ACOXL: variants seen among roughly 807,000 people sequenced by gnomAD.
ACOXL encodes the protein acyl-CoA oxidase like, also known as acyl-coenzyme A oxidase-like protein.
Under a neutral mutation model 71.9 loss-of-function variants are expected in ACOXL, and 70 were observed. The ratio of observed to expected loss-of-function variants is 0.97; its 90% CI spans 0.80 to 1.19. ACOXL has a LOEUF of 1.19. Among genes scored for constraint, ACOXL ranks in the 50% most tolerant of loss-of-function variants. The pLI is 0.00. For synonymous variants in ACOXL, 253 were observed against 281.6 expected, an observed-to-expected ratio of 0.90 and a Z score of 1.02; for missense variants, 703 against 736.3, an observed-to-expected ratio of 0.95 and a Z score of 0.52.
chr2:111,043,158 A>G (rs2065863145), intron 15 of ACOXL, among the ~76,000 whole-genome samples: 1 of 152,288 alleles, frequency 6.6e-6, no homozygotes. Context: ...TCTGGAACAG[A>G]GGTGCTTTCT....
At chr2:110,915,733 A>T (rs2059836049) in intron 11 of ACOXL, among the ~76,000 whole-genome samples, 1 of 151,754 alleles carries the variant, frequency 6.6e-6, no homozygotes. Flanking sequence ...TGGCCATATT[A>T]TATATTTTTT....
At chr2:110,746,804 T>TC (rs1342761017) in intron 1 of ACOXL, among the ~76,000 whole-genome samples, 1 of 149,386 alleles carries the variant, frequency 6.7e-6, no homozygotes, top group Non-Finnish European at 1.5e-5. Flanking sequence ...CCTCCCCCTT[T>TC]CCCCCTCTTC....
At chr2:111,092,379 A>G (rs1005051608) in intron 16 of ACOXL, among the ~76,000 whole-genome samples, 3 of 152,230 alleles carry the variant, frequency 2.0e-5, no homozygotes, top group African/African-American at 4.8e-5. Flanking sequence ...CATAATAGGA[A>G]AAAACATACT....
intron 10 of ACOXL, among the ~76,000 whole-genome samples, chr2:110,901,325 T>C (rs764162560): frequency 3.9e-5 from 6 of 152,198 alleles, no homozygotes; most frequent in Admixed American, 1.3e-4. Flanking sequence ...CTCTCACTGC[T>C]CTGTATGTAG....
chr2:111,039,191 T>C (rs1025329014), intron 15 of ACOXL, among the ~76,000 whole-genome samples: 13 of 152,388 alleles, frequency 8.5e-5, no homozygotes, highest in African/African-American at 3.1e-4. Context: ...TGTTTATCTT[T>C]TGTGAAATCT....
chr2:110,737,899 C>T (rs1293074307), intron 1 of ACOXL, among the ~76,000 whole-genome samples: 2 of 152,230 alleles, frequency 1.3e-5, no homozygotes, highest in Admixed American at 6.5e-5. Flanking sequence ...TTAGAGAGGA[C>T]CACAGATTCA....
intron 1 of ACOXL, among the ~76,000 whole-genome samples, chr2:110,737,882 T>G (rs893918089): frequency 6.6e-6 from 1 of 152,238 alleles, no homozygotes; most frequent in African/African-American, 2.4e-5. Context: ...TTACCCTTTG[T>G]AGAAGCTTAG....
intron 10 of ACOXL, among the ~76,000 whole-genome samples, chr2:110,886,192 G>T (rs1697265751): frequency 6.6e-6 from 1 of 152,146 alleles, no homozygotes; most frequent in Admixed American, 6.5e-5. Flanking sequence ...GTTAGCAGGG[G>T]TGGAGAAGTA....
At chr2:111,071,472 T>C (rs1250526992) in intron 16 of ACOXL, among the ~76,000 whole-genome samples, 1 of 152,206 alleles carries the variant, frequency 6.6e-6, no homozygotes, top group Non-Finnish European at 1.5e-5. Flanking sequence ...TGCATTTTGC[T>C]AATGCTAACA....
At chr2:110,859,428 G>A (rs1485049401) in intron 10 of ACOXL, among the ~76,000 whole-genome samples, 1 of 152,152 alleles carries the variant, frequency 6.6e-6, no homozygotes, top group Non-Finnish European at 1.5e-5. Context: ...GATAGTTCAG[G>A]CCATTAACAA....
intron 16 of ACOXL, among the ~76,000 whole-genome samples, chr2:111,053,739 A>G (rs2066405601): frequency 6.6e-6 from 1 of 152,170 alleles, no homozygotes; most frequent in Admixed American, 6.5e-5. Flanking sequence ...GGAGTTTCTT[A>G]CATATCTGGC....
At chr2:110,952,302 G>A (rs1187680178) in intron 12 of ACOXL, among the ~76,000 whole-genome samples, 1 of 152,070 alleles carries the variant, frequency 6.6e-6, no homozygotes, top group African/African-American at 2.4e-5. Flanking sequence ...AGCCCCTGTT[G>A]TATGGGTATT....
chr2:111,031,489 C>A, intron 14 of ACOXL, 138 bp from the exon 15 acceptor site: 1 of 692,608 alleles, frequency 1.4e-6, no homozygotes, highest in Non-Finnish European at 2.5e-6. Flanking sequence ...GTCACAGAGG[C>A]CAGCCTACAG....
At chr2:111,054,797 T>G (rs1239212752) in intron 16 of ACOXL, among the ~76,000 whole-genome samples, 1 of 152,176 alleles carries the variant, frequency 6.6e-6, no homozygotes, top group East Asian at 1.9e-4. Flanking sequence ...CCTTCAGTCC[T>G]CCATGCTTAC....
chr2:110,841,334 T>A, intron 9 of ACOXL, 37 bp from the exon 10 acceptor site: 1 of 1,527,072 alleles, frequency 6.5e-7, no homozygotes. Flanking sequence ...ATACTCTTGA[T>A]ATTACTTAAT....
At chr2:111,072,255 C>G (rs2067376312) in intron 16 of ACOXL, among the ~76,000 whole-genome samples, 1 of 152,236 alleles carries the variant, frequency 6.6e-6, no homozygotes. Flanking sequence ...TCTCTTCCAG[C>G]AGCCCCTGGT....
chr2:110,859,655 A>G (rs1693703372), intron 10 of ACOXL, among the ~76,000 whole-genome samples: 1 of 152,146 alleles, frequency 6.6e-6, no homozygotes, highest in African/African-American at 2.4e-5. Context: ...TCCATTTCCA[A>G]CTTGTGGAAT....
intron 9 of ACOXL, among the ~76,000 whole-genome samples, chr2:110,816,891 C>T (rs574552427): frequency 2.7e-4 from 41 of 152,332 alleles, no homozygotes; most frequent in African/African-American, 8.9e-4. Flanking sequence ...CCTCTCTGCC[C>T]GTGACTGTCC....
chr2:110,733,486 A>G lies in ACOXL; in HGVS notation c.-23+712A>G, dbSNP rs185758541. 1.7e-3 allele frequency among the ~76,000 whole-genome samples: 255 copies of G among 152,248 alleles called. 1 individual carries two copies. Among genetic ancestry groups the G allele is most frequent in the Non-Finnish European group, 3.0e-3 (204 of 68,004 alleles). ...CCTGTGGGCTCTCTTTCTCATACCC[A>G]TTTCAAGCAGTCTGAAAAGCCCAGT... On this transcript the variant is annotated intron_variant, in intron 1 of 17. Coordinates refer to ENST00000439055, the MANE Select transcript of ACOXL (RefSeq NM_001142807.4).
Sources: allele counts gnomAD v4.1 joint callset (sites outside exome capture counted in the v4.1 genomes callset), GRCh38; gene constraint gnomAD v4.1.1; transcripts MANE v1.5; gene names NCBI Gene and HGNC (gene_info 2026-07-23, HGNC 2026-07-21).